The following SLC8A1 variants were observed in gnomAD, a reference collection of about 807,000 sequenced individuals.
SLC8A1 encodes the protein sodium/calcium exchanger 1.
SLC8A1 carries 18 observed loss-of-function variants against 68.3 expected under a neutral mutation model. The ratio of observed to expected loss-of-function variants is 0.26; its 90% confidence interval spans 0.18 to 0.39. The LOEUF (loss-of-function observed/expected upper bound fraction) is 0.39, where lower values mean the gene tolerates loss of function less well. SLC8A1 is among the 10% of genes least tolerant of loss of function. SLC8A1 has a pLI of 1.00. For synonymous variants in SLC8A1, 475 were observed against 415.5 expected, an observed-to-expected ratio of 1.14 and a Z score of -1.74; for missense variants, 985 against 1,156.7, an observed-to-expected ratio of 0.85 and a Z score of 2.15.
At chr2:40,128,401 C>T (rs1040741497) in intron 7 of SLC8A1, among the ~76,000 whole-genome samples, 2 of 152,158 alleles carry the variant, frequency 1.3e-5, no homozygotes, top group Non-Finnish European at 2.9e-5. Flanking sequence ...ACCAATAGGC[C>T]TTGGTCTCTG....
At position 40,344,293 on chromosome 2, in the gene SLC8A1, G is replaced by A. The variant is rs565983859; in HGVS notation, c.1808+84180C>T. Among the ~76,000 whole-genome samples, 167 of 152,258 alleles carry A rather than the reference G, an allele frequency of 1.1e-3. 1 individual carries two copies. The highest frequency in any genetic ancestry group is 1.1e-3 in the Non-Finnish European group (77 of 68,020). ...TGCTGATTTCATGCACTATTTGCCT[G>A]GGATTTTTTTGCATGATTCTTTTAA... On this transcript the variant is annotated intron_variant, in intron 2 of 7. Transcript: ENST00000406785.
intron 2 of SLC8A1, among the ~76,000 whole-genome samples, chr2:40,257,178 A>G (rs1006653927): frequency 2.6e-5 from 4 of 152,192 alleles, no homozygotes; most frequent in African/African-American, 9.7e-5. Context: ...ATGCATGATG[A>G]AAATCATTTT....
Position 40,359,087 on chromosome 2 carries a change from T to C in SLC8A1, c.1808+69386A>G, listed in dbSNP as rs535523623. ...CATACAAAGCTGGGCAGAAAAGAAG[T>C]GAAAGTGAAGCTGAAGGTGGGGAAG... is the stretch of plus-strand genomic sequence containing the variant. On this transcript the variant is annotated intron_variant, in intron 2 of 7. Coordinates refer to ENST00000406785, the Ensembl canonical transcript of SLC8A1. Among the ~76,000 whole-genome samples the C allele has an allele frequency of 1.1e-4, 17 of 151,930 alleles. No homozygotes were observed. In the East Asian group the frequency reaches 3.1e-3, roughly 28 times the overall value.
chr2:40,235,271 T>A (rs2060209559), intron 2 of SLC8A1, among the ~76,000 whole-genome samples: 1 of 152,214 alleles, frequency 6.6e-6, no homozygotes. Context: ...TTGCCACAAT[T>A]TCAGATCCTG....
At chr2:40,311,036 G>T (rs946527659) in intron 2 of SLC8A1, among the ~76,000 whole-genome samples, 3 of 152,056 alleles carry the variant, frequency 2.0e-5, no homozygotes, top group Non-Finnish European at 4.4e-5. Flanking sequence ...GAAACTGAGA[G>T]AAATAATTTT....
At chr2:40,144,949 T>G (rs1474040250) in intron 6 of SLC8A1, among the ~76,000 whole-genome samples, 1 of 152,132 alleles carries the variant, frequency 6.6e-6, no homozygotes, top group Non-Finnish European at 1.5e-5. Flanking sequence ...GTCTACTTAT[T>G]TAACAAACAT....
chr2:40,460,153 G>A (rs1351485078), intron 1 of SLC8A1, among the ~76,000 whole-genome samples: 1 of 152,128 alleles, frequency 6.6e-6, no homozygotes, highest in Admixed American at 6.5e-5. Flanking sequence ...CAGATTTGAA[G>A]CCTAAAATAG....
At chr2:40,193,127 A>G (rs2052216789) in intron 2 of SLC8A1, among the ~76,000 whole-genome samples, 1 of 152,162 alleles carries the variant, frequency 6.6e-6, no homozygotes, top group Non-Finnish European at 1.5e-5. Flanking sequence ...AGTAAAAGGC[A>G]GCTTACATAT....
chr2:40,237,693 G>C (rs1049267357), intron 2 of SLC8A1, among the ~76,000 whole-genome samples: 13 of 151,912 alleles, frequency 8.6e-5, no homozygotes, highest in African/African-American at 3.1e-4. Flanking sequence ...GCTTTTTAGA[G>C]TTTCCAGTTT....
chr2:40,154,694 G>A (rs1184501047), intron 6 of SLC8A1, among the ~76,000 whole-genome samples: 1 of 151,762 alleles, frequency 6.6e-6, no homozygotes, highest in Admixed American at 6.6e-5. Flanking sequence ...TGGAGTTAGG[G>A]TCTTACTCTG....
chr2:40,428,969 T>C (rs199923764), exon 2 of SLC8A1: 87 of 1,613,772 alleles, frequency 5.4e-5, no homozygotes, highest in Middle Eastern at 1.6e-4. Context: ...AACACAGTGT[T>C]AGTCAAATCA....
intron 2 of SLC8A1, among the ~76,000 whole-genome samples, chr2:40,217,066 CTT>C (rs1338323485): frequency 1.3e-5 from 2 of 152,124 alleles, no homozygotes; most frequent in Non-Finnish European, 2.9e-5. Flanking sequence ...GTCATGAAGT[CTT>C]TGCCCATGCC....
At chr2:40,183,478 G>A (rs142738958) in intron 2 of SLC8A1, among the ~76,000 whole-genome samples, 19 of 152,300 alleles carry the variant, frequency 1.2e-4, no homozygotes, top group Middle Eastern at 6.8e-3. Flanking sequence ...TAAAAAGAGC[G>A]ATGAGCATGC....
intron 2 of SLC8A1, among the ~76,000 whole-genome samples, chr2:40,288,887 A>G (rs1424249909): frequency 7.3e-6 from 1 of 136,756 alleles, no homozygotes; most frequent in South Asian, 2.2e-4. Flanking sequence ...TTTGGTAGAG[A>G]TGGGATCTCA....
intron 2 of SLC8A1, among the ~76,000 whole-genome samples, chr2:40,305,899 C>T (rs535882795): frequency 6.6e-6 from 1 of 152,276 alleles, no homozygotes; most frequent in Admixed American, 6.5e-5. Flanking sequence ...ATGCACATTC[C>T]TATCAGACAA....
intron 2 of SLC8A1, among the ~76,000 whole-genome samples, chr2:40,333,711 T>C (rs912278612): frequency 6.6e-6 from 1 of 152,122 alleles, no homozygotes; most frequent in Non-Finnish European, 1.5e-5. Flanking sequence ...TAGCATACCA[T>C]CACTTGTCCC....
At chr2:40,461,161 A>G (rs1703318164) in intron 1 of SLC8A1, among the ~76,000 whole-genome samples, 2 of 152,190 alleles carry the variant, frequency 1.3e-5, no homozygotes, top group South Asian at 2.1e-4. Context: ...CAAGTGCAAC[A>G]CATATAATTT....
intron 5 of SLC8A1, among the ~76,000 whole-genome samples, chr2:40,162,686 A>T (rs1280857891): frequency 6.6e-6 from 1 of 152,168 alleles, no homozygotes; most frequent in Non-Finnish European, 1.5e-5. Flanking sequence ...ATAAAGATAT[A>T]GTTCAGACAC....
intron 2 of SLC8A1, among the ~76,000 whole-genome samples, chr2:40,258,116 A>G (rs1347485075): frequency 6.6e-6 from 1 of 152,192 alleles, no homozygotes; most frequent in African/African-American, 2.4e-5. Context: ...CAGGCCTGTA[A>G]TTTATCATCA....
Sources: allele counts gnomAD v4.1 joint callset (sites outside exome capture counted in the v4.1 genomes callset), GRCh38; gene constraint gnomAD v4.1.1; transcripts MANE v1.5; gene names NCBI Gene and HGNC (gene_info 2026-07-23, HGNC 2026-07-21).